Variants in SI observed in about 807,000 individuals in gnomAD.
SI encodes the protein sucrase-isomaltase, also known as sucrase-isomaltase, intestinal.
SI carries 235 observed loss-of-function variants against 253.3 expected under a neutral mutation model. That is an observed-to-expected ratio of 0.93 (90% CI 0.83 to 1.03). The LOEUF is 1.03. Ranked by LOEUF, SI falls within the 50% of genes least tolerant of loss-of-function variation. The pLI is 0.00. For synonymous variants in SI, 819 were observed against 712.0 expected, an observed-to-expected ratio of 1.15 and a Z score of -2.39; for missense variants, 2,442 against 2,211.1, an observed-to-expected ratio of 1.10 and a Z score of -2.09.
chr3:165,067,219 A>T (rs1576920453), intron 6 of SI, 121 bp downstream of exon 6: 1 of 697,602 alleles, frequency 1.4e-6, no homozygotes. Context: ...ATTTTTATAA[A>T]CCTATCCACC....
At chr3:165,073,685 A>G (rs1302633383) in intron 3 of SI, among the ~76,000 whole-genome samples, 2 of 152,122 alleles carry the variant, frequency 1.3e-5, no homozygotes, top group East Asian at 3.9e-4. Flanking sequence ...TGGATACAAC[A>G]AACTGTGGAT....
chr3:165,089,066 GC>G, the SI span, among the ~76,000 whole-genome samples: 2 of 138,210 alleles, frequency 1.4e-5, no homozygotes, highest in African/African-American at 5.3e-5. Context: ...ACTTTTTACG[GC>G]CTTTTCTTTT....
At chr3:165,035,177 A>G (rs1221499360) in intron 22 of SI, among the ~76,000 whole-genome samples, 1 of 152,022 alleles carries the variant, frequency 6.6e-6, no homozygotes, top group Non-Finnish European at 1.5e-5. Flanking sequence ...ACAAACAAAT[A>G]GAGAAGTACA....
rs1553772879 is a variant in SI at position 165,023,634 on chromosome 3, G to A, written c.3035C>T (p.Ser1012Phe). 1 of 1,610,984 alleles carries A rather than the reference G, an allele frequency of 6.2e-7. No individual in the cohort carries two copies. The highest frequency in any genetic ancestry group is 1.1e-5 in the South Asian group (1 of 91,060). ...CACACGAAGAGTTGAGATGGGGTCA[G>A]AAGGTAACTTTATTCTGGCATTTGC... ...NTANARIKLP[S>F]DPISTLRVEV... The change falls in exon 26 of 48, where the codon TCT becomes TTT. Residue 1012 changes from serine to phenylalanine, a missense_variant. By Grantham distance (155) the Ser-to-Phe change is radical. Transcript: ENST00000264382.
chr3:165,073,496 T>A (rs1332822078), intron 3 of SI, among the ~76,000 whole-genome samples: 3 of 152,008 alleles, frequency 2.0e-5, no homozygotes, highest in Non-Finnish European at 4.4e-5. Context: ...ATTAGAAAAT[T>A]GCATGCTTAC....
At chr3:165,039,166 T>C in intron 19 of SI, 32 bp from the exon 20 acceptor site, 17 of 1,433,220 alleles carry the variant, frequency 1.2e-5, no homozygotes, top group Non-Finnish European at 1.7e-5. Context: ...TTTTTTAATT[T>C]CAATTTTTAA....
rs563490253 is a variant in SI at position 165,044,109 on chromosome 3, CTA to C, written c.1888-936_1888-935del. Reference sequence around the variant, plus strand: ...AAAATTATATAAAATTACCTTCAAACTATGTGTATAAGGTGTATATGAAACAT... The same window carrying C: ...AAAATTATATAAAATTACCTTCAAACTGTGTATAAGGTGTATATGAAACAT... On this transcript the variant is annotated intron_variant, in intron 16 of 47. Transcript: ENST00000264382. 1.4e-3 allele frequency among the ~76,000 whole-genome samples: 214 copies of C among 152,060 alleles called. 1 individual carries two copies. The highest frequency in any genetic ancestry group is 5.1e-3 in the African/African-American group (210 of 41,540).
At position 165,040,858 on chromosome 3, in the gene SI, G is replaced by A. The variant is rs548583119; in HGVS notation, c.2159+82C>T. ...GCAGCAGAAGTTTAATTGATATCTT[G>A]ATTTACCTCCATTAAACTTTTCTGT... On this transcript the variant is annotated intron_variant, in intron 18 of 47. Coordinates refer to ENST00000264382, the MANE Select transcript of SI (RefSeq NM_001041.4). 5 of 1,106,506 alleles carry A rather than the reference G, an allele frequency of 4.5e-6. No individual in the cohort carries two copies. The East Asian group carries it at 1.2e-4, about 26-fold the overall frequency. 68.5% of individuals were successfully genotyped at this position (1,106,506 alleles called of 1,614,324 possible).
chr3:165,079,890 G>C (rs1715237807), upstream of SI, among the ~76,000 whole-genome samples: 1 of 151,664 alleles, frequency 6.6e-6, no homozygotes. Flanking sequence ...AAAATTGAGA[G>C]ATACGCCATA....
At chr3:165,068,194 T>C (rs1714360090) in intron 5 of SI, among the ~76,000 whole-genome samples, 1 of 152,208 alleles carries the variant, frequency 6.6e-6, no homozygotes, top group African/African-American at 2.4e-5. Context: ...GCCTGTAGTT[T>C]AAATAATAAA....
At position 164,996,609 on chromosome 3, in the gene SI, G is replaced by A. The variant is rs764235215; in HGVS notation, c.4618C>T (p.His1540Tyr). ...ICGFFNNSEY[H>Y]LCTRWMQLGA... ...AGTTGCATCCAGCGGGTACAGAGAT[G>A]ATATTCTGAGTTGTTGAAAAAACCA... is the stretch of plus-strand genomic sequence containing the variant. The change falls in exon 40 of 48, where the codon CAT becomes TAT. Residue 1540 changes from histidine to tyrosine, a missense_variant. By Grantham distance (83) the His-to-Tyr change is moderately conservative. Coordinates refer to ENST00000264382, the MANE Select transcript of SI (RefSeq NM_001041.4). The A allele has an allele frequency of 6.2e-7, 1 of 1,609,622 alleles. No individual in the cohort carries two copies.
intron 3 of SI, among the ~76,000 whole-genome samples, chr3:165,073,298 G>A (rs1356869628): frequency 1.3e-5 from 2 of 151,146 alleles, no homozygotes; most frequent in Non-Finnish European, 2.9e-5. Context: ...ATACAGTGAC[G>A]CGATCTCTGC....
chr3:165,059,881 C>A, intron 10 of SI, 21 bp downstream of exon 10: 1 of 1,608,324 alleles, frequency 6.2e-7, no homozygotes, highest in Non-Finnish European at 8.5e-7. Flanking sequence ...TATATTCCCA[C>A]GGACCCTTTA....
the SI span, among the ~76,000 whole-genome samples, chr3:165,087,584 C>T: frequency 6.6e-6 from 1 of 152,054 alleles, no homozygotes; most frequent in South Asian, 2.1e-4. Context: ...CAGCAATATC[C>T]AAACCCAGTT....
Position 164,980,987 on chromosome 3 carries a change from T to C in SI, c.5415+1256A>G, listed in dbSNP as rs146203889. ...GTGATTGATAACTATTGAGTAGTTG[T>C]TTTGGGGAATTAATTTCCTTCTTTG... On this transcript the variant is annotated intron_variant, in intron 47 of 47. Coordinates refer to ENST00000264382, the MANE Select transcript of SI (RefSeq NM_001041.4). Among the ~76,000 whole-genome samples, 1,193 of 152,028 alleles carry C rather than the reference T, an allele frequency of 7.8e-3. 48 individuals carry two copies. Among genetic ancestry groups the C allele is most frequent in the Admixed American group, 0.065 (994 of 15,214 alleles).
At chr3:165,005,130 C>G (rs930880802) in intron 37 of SI, among the ~76,000 whole-genome samples, 2 of 152,066 alleles carry the variant, frequency 1.3e-5, no homozygotes, top group Admixed American at 1.3e-4. Context: ...TGAGTCAATT[C>G]AACCTCTTTA....
chr3:165,079,275 A>T (rs1259626213), upstream of SI, among the ~76,000 whole-genome samples: 1 of 151,634 alleles, frequency 6.6e-6, no homozygotes, highest in Non-Finnish European at 1.5e-5. Context: ...TAAAATCACT[A>T]AAAGAATTAT....
chr3:164,993,292 G>T (rs1001004402), intron 41 of SI, among the ~76,000 whole-genome samples: 1 of 151,684 alleles, frequency 6.6e-6, no homozygotes, highest in Non-Finnish European at 1.5e-5. Context: ...TCAATAAAAT[G>T]TTATCAGAAA....
intron 23 of SI, 33 bp from the exon 24 acceptor site, chr3:165,032,725 G>C (rs746399524): frequency 7.0e-7 from 1 of 1,419,314 alleles, no homozygotes; most frequent in Non-Finnish European, 9.9e-7. Flanking sequence ...TTATATATTA[G>C]GTCATCAGAT....
Sources: gnomAD v4.1 joint callset for allele counts (sites outside exome capture counted in the v4.1 genomes callset) on GRCh38, gnomAD v4.1.1 for gene constraint, MANE v1.5 for transcripts, NCBI Gene and HGNC (gene_info 2026-07-23, HGNC 2026-07-21) for gene names.